The following SLIT1 variants were observed in gnomAD, a reference collection of about 807,000 sequenced individuals.
SLIT1 encodes the protein slit homolog 1 protein.
SLIT1 carries 66 observed loss-of-function variants against 186.1 expected under a neutral mutation model. The ratio of observed to expected loss-of-function variants is 0.35; its 90% CI spans 0.29 to 0.44. The LOEUF (loss-of-function observed/expected upper bound fraction) is 0.44, where lower values mean the gene tolerates loss of function less well. Ranked by LOEUF, SLIT1 falls within the 20% of genes least tolerant of loss-of-function variation. The pLI, the probability that SLIT1 is intolerant of heterozygous loss-of-function variation, is 1.00. For missense variants in SLIT1, 1,638 were observed against 2,037.4 expected (o/e 0.80, Z 3.77); for synonymous variants, 761 against 833.8 (o/e 0.91, Z 1.50).
rs776915415 is a variant in SLIT1, at chr10:97,040,023, G to C, written c.2262C>G (p.Ala754=). The stretch of plus-strand genomic sequence containing the variant: ...CATTCTTGGGAATGCCCTTGGGCAG[G>C]GCCCGCAGGTGCTTGTTGCTGCATC... ...VVRCSNKHLR[A]LPKGIPKNVT... The change falls in exon 21 of 37, where the codon GCC becomes GCG. Residue 754 remains alanine, a synonymous_variant. Transcript: ENST00000266058. 46 of 1,613,568 alleles carry C rather than the reference G, an allele frequency of 2.9e-5. 1 individual carries two copies. In the East Asian group the frequency reaches 9.8e-4, roughly 34 times the overall value.
At chr10:97,008,696 CAAAAA>C (rs200303813) in intron 31 of SLIT1, among the ~76,000 whole-genome samples, 1 of 96,562 alleles carries the variant, frequency 1.0e-5, no homozygotes. Context: ...AACTCTGTCT[CAAAAA>C]AAAAAAAAAA....
At chr10:97,149,165 G>A (rs1272669679) in intron 4 of SLIT1, among the ~76,000 whole-genome samples, 1 of 152,206 alleles carries the variant, frequency 6.6e-6, no homozygotes, top group Non-Finnish European at 1.5e-5. Context: ...AGGCACCAGG[G>A]CTGTGTCTAG....
chr10:97,124,849 G>T (rs886797313), intron 4 of SLIT1, among the ~76,000 whole-genome samples: 2 of 152,198 alleles, frequency 1.3e-5, no homozygotes, highest in African/African-American at 4.8e-5. Flanking sequence ...CCCAACGTAC[G>T]TTGCTTAACC....
At chr10:97,054,893 T>C (rs1848823019) in intron 13 of SLIT1, among the ~76,000 whole-genome samples, 1 of 152,226 alleles carries the variant, frequency 6.6e-6, no homozygotes, top group Admixed American at 6.5e-5. Context: ...TTGCACAGGC[T>C]TTATTTAAAT....
chr10:97,148,391 C>T (rs960941741), intron 4 of SLIT1, among the ~76,000 whole-genome samples: 2 of 151,754 alleles, frequency 1.3e-5, no homozygotes, highest in Admixed American at 1.3e-4. Context: ...TGGGCTCAAG[C>T]GATCCTCACA....
chr10:97,060,854 G>T, intron 8 of SLIT1, 67 bp from the exon 9 acceptor site: 1 of 1,473,946 alleles, frequency 6.8e-7, no homozygotes. Context: ...CCCAGATACC[G>T]ACTGATGGAT....
intron 4 of SLIT1, among the ~76,000 whole-genome samples, chr10:97,080,388 G>A (rs1756727717): frequency 6.6e-6 from 1 of 152,224 alleles, no homozygotes; most frequent in Non-Finnish European, 1.5e-5. Context: ...CCCAGCGGGG[G>A]CCCAAGAACA....
At chr10:97,084,348 C>T (rs192576128) in intron 4 of SLIT1, among the ~76,000 whole-genome samples, 1 of 152,334 alleles carries the variant, frequency 6.6e-6, no homozygotes, top group African/African-American at 2.4e-5. Context: ...GACCAGGGGT[C>T]CCCACCTGGG....
In SLIT1 at chr10:97,021,520, C is replaced by T; in HGVS notation, c.2583-107G>A. 3 of 1,004,626 alleles carry T rather than the reference C, an allele frequency of 3.0e-6. No homozygotes were observed. The highest frequency in any genetic ancestry group is 4.3e-6 in the Non-Finnish European group (3 of 690,654). 62.2% of individuals were successfully genotyped at this position (1,004,626 alleles called of 1,614,324 possible). A position where few individuals can be genotyped will look rare whatever the true frequency, so the allele number is the denominator to read the frequency against. On this transcript the variant is annotated intron_variant, in intron 25 of 36. Coordinates refer to ENST00000266058, the MANE Select transcript of SLIT1 (RefSeq NM_003061.3). This position sits in a 1 kb window ranked among gnomAD's most constrained non-coding sequence, Gnocchi z 4.5. Reference sequence around the variant, plus strand: ...CACCAGGGGCTGGCAAAAATCTTAGCCTCCATTTCATGAGCATTTACTGTA... The same window carrying T: ...CACCAGGGGCTGGCAAAAATCTTAGTCTCCATTTCATGAGCATTTACTGTA...
chr10:97,009,968 T>A (rs1051685274), intron 31 of SLIT1, among the ~76,000 whole-genome samples: 1 of 152,202 alleles, frequency 6.6e-6, no homozygotes, highest in Admixed American at 6.5e-5. Flanking sequence ...GTGGTGGGAA[T>A]TGTGCAGCCA....
At chr10:97,132,223 C>G (rs1849661113) in intron 4 of SLIT1, among the ~76,000 whole-genome samples, 1 of 152,140 alleles carries the variant, frequency 6.6e-6, no homozygotes, top group African/African-American at 2.4e-5. Flanking sequence ...CTTTGTCTTC[C>G]CAGACCCTGG....
At chr10:97,097,290 A>T (rs549863830) in intron 4 of SLIT1, among the ~76,000 whole-genome samples, 3 of 152,318 alleles carry the variant, frequency 2.0e-5, no homozygotes, top group African/African-American at 7.2e-5. Flanking sequence ...GTTGTGTTTT[A>T]TGTCTGCTAA....
Position 97,030,747 on chromosome 10 carries a change from G to T in SLIT1, c.2582+10C>A. 1 of 1,609,984 alleles carries T rather than the reference G, an allele frequency of 6.2e-7. No individual in the cohort carries two copies. The highest frequency in any genetic ancestry group is 8.5e-7 in the Non-Finnish European group (1 of 1,176,486). On this transcript the variant is annotated intron_variant, in intron 25 of 36. Transcript: ENST00000266058. ...CAAAGAGGCCCAGAGAAAGGGGCTAGGGTACTCACAGGTGAGACAGGGAGG... is the reference window on the plus strand; with the variant it reads ...CAAAGAGGCCCAGAGAAAGGGGCTATGGTACTCACAGGTGAGACAGGGAGG...
intron 26 of SLIT1, among the ~76,000 whole-genome samples, chr10:97,020,822 C>T (rs1212372284): frequency 6.6e-6 from 1 of 152,254 alleles, no homozygotes; most frequent in Non-Finnish European, 1.5e-5. Context: ...CGGAACCAGC[C>T]TCCAGTGACA....
At chr10:97,127,347 CCAAT>C (rs1849614012) in intron 4 of SLIT1, among the ~76,000 whole-genome samples, 1 of 152,054 alleles carries the variant, frequency 6.6e-6, no homozygotes, top group Non-Finnish European at 1.5e-5. Flanking sequence ...AGTATCCAAA[CCAAT>C]CAGACTCATC....
intron 7 of SLIT1, 86 bp from the exon 8 acceptor site, chr10:97,063,704 G>T (rs1848916286): frequency 7.1e-7 from 1 of 1,401,682 alleles, no homozygotes; most frequent in Non-Finnish European, 9.6e-7. Flanking sequence ...GCAGGAGGCT[G>T]CCCCCGGTGC....
intron 28 of SLIT1, among the ~76,000 whole-genome samples, chr10:97,017,634 A>G (rs1848465214): frequency 6.6e-6 from 1 of 152,046 alleles, no homozygotes; most frequent in Non-Finnish European, 1.5e-5. Context: ...GCCCAGTGTG[A>G]CTCATGAGAT....
intron 4 of SLIT1, among the ~76,000 whole-genome samples, chr10:97,089,579 A>G (rs1849207814): frequency 6.6e-6 from 1 of 152,222 alleles, no homozygotes; most frequent in Non-Finnish European, 1.5e-5. Flanking sequence ...GACTAATCCC[A>G]GGCAGAGGTG....
intron 4 of SLIT1, among the ~76,000 whole-genome samples, chr10:97,144,189 C>T (rs1014645766): frequency 2.7e-5 from 2 of 74,438 alleles, no homozygotes; most frequent in Admixed American, 1.9e-4. Flanking sequence ...CAGAGTGAGA[C>T]TCCATCTCAA....
Sources: gnomAD v4.1 joint callset for allele counts (sites outside exome capture counted in the v4.1 genomes callset) on GRCh38, gnomAD v4.1.1 for gene constraint, Gnocchi (gnomAD v3.1) non-coding constraint, MANE v1.5 for transcripts, NCBI Gene and HGNC (gene_info 2026-07-23, HGNC 2026-07-21) for gene names.